The following CSMD1 variants were observed in gnomAD, a reference collection of about 807,000 sequenced individuals.
CSMD1 encodes CUB and Sushi multiple domains 1.
A neutral mutation model predicts 417.5 loss-of-function variants in CSMD1; 213 were observed. The observed-to-expected ratio is 0.51, with a 90% CI of 0.46 to 0.57. The LOEUF is 0.57. CSMD1 is among the 20% of genes least tolerant of loss of function. CSMD1 has a pLI of 0.00. For synonymous variants in CSMD1, 2,862 were observed against 1,736.8 expected (o/e 1.65, Z -16.11); for missense variants, 6,923 against 4,529.7 (o/e 1.53, Z -15.17).
chr8:4,886,608 G>C (rs1803756574), intron 1 of CSMD1, among the ~76,000 whole-genome samples: 1 of 151,872 alleles, frequency 6.6e-6, no homozygotes, highest in Non-Finnish European at 1.5e-5. Context: ...TAATTCAGCA[G>C]TAAAACTGTG....
chr8:3,254,271 T>A (rs529444885), intron 26 of CSMD1, among the ~76,000 whole-genome samples: 16 of 152,338 alleles, frequency 1.1e-4, no homozygotes, highest in Admixed American at 3.9e-4. Context: ...CTTCCCTTTG[T>A]GGGTAACCCG....
chr8:3,278,195 AAGAG>A (rs144857267), intron 26 of CSMD1, among the ~76,000 whole-genome samples: 2 of 152,186 alleles, frequency 1.3e-5, no homozygotes, highest in African/African-American at 4.8e-5. Flanking sequence ...GAGTTTCCAG[AAGAG>A]AGAGTCAAAT....
At chr8:4,824,323 T>C (rs142226630) in intron 1 of CSMD1, among the ~76,000 whole-genome samples, 1 of 152,064 alleles carries the variant, frequency 6.6e-6, no homozygotes, top group Non-Finnish European at 1.5e-5. Context: ...TTTGTGTTAT[T>C]TGGTTGGGAG....
intron 10 of CSMD1, among the ~76,000 whole-genome samples, chr8:3,507,642 C>G (rs1053087263): frequency 1.3e-5 from 2 of 152,142 alleles, no homozygotes; most frequent in Non-Finnish European, 1.5e-5. Flanking sequence ...GTGTTCCTAT[C>G]TCTCCACATC....
intron 3 of CSMD1, among the ~76,000 whole-genome samples, chr8:4,036,388 G>T (rs1223338879): frequency 6.6e-6 from 1 of 152,154 alleles, no homozygotes; most frequent in African/African-American, 2.4e-5. Context: ...GTATTTTCCA[G>T]CAGTGTAGAA....
At chr8:4,921,091 A>T (rs1806466386) in intron 1 of CSMD1, among the ~76,000 whole-genome samples, 1 of 151,206 alleles carries the variant, frequency 6.6e-6, no homozygotes, top group Admixed American at 6.6e-5. Flanking sequence ...AAAGAAAGAA[A>T]AAGAAAAAAG....
At chr8:4,992,515 C>A (rs970842885) in intron 1 of CSMD1, among the ~76,000 whole-genome samples, 1 of 152,162 alleles carries the variant, frequency 6.6e-6, no homozygotes, top group Non-Finnish European at 1.5e-5. Context: ...AGTTGCGTGG[C>A]AGGTGTTTCC....
intron 1 of CSMD1, among the ~76,000 whole-genome samples, chr8:4,744,925 A>T (rs1429994536): frequency 6.6e-6 from 1 of 152,186 alleles, no homozygotes; most frequent in Non-Finnish European, 1.5e-5. Flanking sequence ...AAAAATCCAA[A>T]TCAACATTTT....
At chr8:3,170,929 G>A (rs1026450232) in intron 37 of CSMD1, among the ~76,000 whole-genome samples, 1 of 152,148 alleles carries the variant, frequency 6.6e-6, no homozygotes, top group Non-Finnish European at 1.5e-5. Context: ...ACATGATTTA[G>A]AAATGCCATA....
chr8:3,151,560 C>T, intron 39 of CSMD1, 47 bp from the exon 40 acceptor site: 2 of 1,266,910 alleles, frequency 1.6e-6, no homozygotes, highest in Middle Eastern at 1.9e-4. Flanking sequence ...CACTTTCTCC[C>T]TGGAATCTTT....
intron 7 of CSMD1, among the ~76,000 whole-genome samples, chr8:3,654,983 G>C (rs1403272996): frequency 6.6e-6 from 1 of 152,070 alleles, no homozygotes; most frequent in East Asian, 1.9e-4. Context: ...GAAAATGCCA[G>C]GTGTGAAGAA....
chr8:4,081,965 A>T (rs1800159673), intron 3 of CSMD1, among the ~76,000 whole-genome samples: 1 of 152,170 alleles, frequency 6.6e-6, no homozygotes, highest in South Asian at 2.1e-4. Context: ...AAACTCAATT[A>T]TTTAAGATTC....
intron 18 of CSMD1, chr8:3,373,869 G>T (rs1310856287): frequency 6.6e-6 from 1 of 151,956 alleles, no homozygotes; most frequent in East Asian, 1.9e-4. Context: ...GGAGGACTAA[G>T]ATATGCAGAA....
intron 1 of CSMD1, among the ~76,000 whole-genome samples, chr8:4,725,335 G>A (rs1809355805): frequency 6.6e-6 from 1 of 152,146 alleles, no homozygotes; most frequent in Non-Finnish European, 1.5e-5. Context: ...TCAGCATCCA[G>A]TTCTAGAAAG....
chr8:3,808,637 T>C (rs1800886343), intron 5 of CSMD1, among the ~76,000 whole-genome samples: 2 of 152,200 alleles, frequency 1.3e-5, no homozygotes, highest in African/African-American at 4.8e-5. Flanking sequence ...TCAGAGATAG[T>C]TCCTGAGCCC....
rs1209359936 is a variant in CSMD1 at position 3,272,575 on chromosome 8, C to T, written c.4153+11569G>A. 1.9e-4 allele frequency among the ~76,000 whole-genome samples: 26 copies of T among 136,628 alleles called. 5 individuals are homozygous for T. The highest frequency in any genetic ancestry group is 3.9e-4 in the Non-Finnish European group (25 of 63,436). The allele number at this position is 136,628 out of a possible 152,430, so 89.6% of individuals were successfully genotyped here. Reference sequence around the variant, plus strand: ...TTCCTACCCATGAGCATGGAATGTTCTTCCATTTGTTTGTATCTTCTTTTA... The same window carrying T: ...TTCCTACCCATGAGCATGGAATGTTTTTCCATTTGTTTGTATCTTCTTTTA... On this transcript the variant is annotated intron_variant, in intron 26 of 69. Coordinates refer to ENST00000635120, the MANE Select transcript of CSMD1 (RefSeq NM_033225.6).
intron 3 of CSMD1, among the ~76,000 whole-genome samples, chr8:4,220,735 T>C (rs17069576): frequency 0.04 from 6,077 of 152,198 alleles, 140 homozygotes; most frequent in East Asian, 0.11. Flanking sequence ...CTAGCTGGGA[T>C]GAGAAAGACA....
At chr8:3,173,821 G>T (rs897631443) in intron 37 of CSMD1, among the ~76,000 whole-genome samples, 2 of 152,140 alleles carry the variant, frequency 1.3e-5, no homozygotes, top group Non-Finnish European at 2.9e-5. Flanking sequence ...ATATTAAAGT[G>T]CCATTAAAGC....
At chr8:4,620,828 T>C (rs1450184680) in intron 2 of CSMD1, among the ~76,000 whole-genome samples, 1 of 151,736 alleles carries the variant, frequency 6.6e-6, no homozygotes, top group Admixed American at 6.6e-5. Flanking sequence ...ATATTCCACT[T>C]AACTTATAAG....
Sources: allele counts gnomAD v4.1 joint callset (sites outside exome capture counted in the v4.1 genomes callset), GRCh38; gene constraint gnomAD v4.1.1; transcripts MANE v1.5; gene names NCBI Gene and HGNC (gene_info 2026-07-23, HGNC 2026-07-21).